ANKRD44: variants seen among roughly 807,000 people sequenced by gnomAD.
ANKRD44 encodes the protein serine/threonine-protein phosphatase 6 regulatory ankyrin repeat subunit B.
Under a neutral mutation model 116.0 loss-of-function variants are expected in ANKRD44, and 35 were observed. The ratio of observed to expected loss-of-function variants is 0.30; its 90% confidence interval spans 0.23 to 0.40. The LOEUF is 0.40. Among genes scored for constraint, ANKRD44 ranks in the 10% least tolerant of loss-of-function variants. The pLI, the probability that ANKRD44 is intolerant of heterozygous loss-of-function variation, is 1.00. For synonymous variants in ANKRD44, 435 were observed against 461.8 expected, an observed-to-expected ratio of 0.94 and a Z score of 0.74; for missense variants, 1,014 against 1,242.6, an observed-to-expected ratio of 0.82 and a Z score of 2.77.
chr2:197,299,221 A>C (rs2083819879), intron 1 of ANKRD44, among the ~76,000 whole-genome samples: 1 of 151,680 alleles, frequency 6.6e-6, no homozygotes, highest in South Asian at 2.1e-4. Context: ...TAAATAAATG[A>C]GGTCTGTTTT....
intron 21 of ANKRD44, among the ~76,000 whole-genome samples, chr2:196,974,135 T>C (rs535892615): frequency 1.3e-5 from 2 of 151,848 alleles, no homozygotes; most frequent in East Asian, 3.9e-4. Flanking sequence ...CAGGCTAGAG[T>C]GCAGTGGCAT....
chr2:197,050,930 G>A (rs2077094721), intron 16 of ANKRD44, among the ~76,000 whole-genome samples: 1 of 151,056 alleles, frequency 6.6e-6, no homozygotes, highest in African/African-American at 2.4e-5. Flanking sequence ...AGTACCCTGG[G>A]ATATCTCTAC....
chr2:196,967,900 T>A (rs923665933), intron 21 of ANKRD44, among the ~76,000 whole-genome samples: 3 of 148,152 alleles, frequency 2.0e-5, no homozygotes, highest in Non-Finnish European at 3.0e-5. Flanking sequence ...GGTGGATCCC[T>A]CATGGCTTGG....
chr2:197,260,768 C>T (rs373683146), intron 1 of ANKRD44, among the ~76,000 whole-genome samples: 3 of 150,866 alleles, frequency 2.0e-5, no homozygotes, highest in South Asian at 4.2e-4. Context: ...TTTTAATGAT[C>T]GCCATTTTAA....
chr2:197,181,990 C>T (rs2080518186), intron 2 of ANKRD44, among the ~76,000 whole-genome samples: 1 of 152,210 alleles, frequency 6.6e-6, no homozygotes, highest in African/African-American at 2.4e-5. Context: ...TCACCACTGA[C>T]AGGCGTCACT....
intron 16 of ANKRD44, among the ~76,000 whole-genome samples, chr2:197,076,555 G>A (rs2077670694): frequency 6.6e-6 from 1 of 152,108 alleles, no homozygotes; most frequent in Non-Finnish European, 1.5e-5. Flanking sequence ...TGCTATATAG[G>A]TAAATTTGTG....
At chr2:197,309,618 T>C (rs1373188695) in intron 1 of ANKRD44, among the ~76,000 whole-genome samples, 1 of 152,138 alleles carries the variant, frequency 6.6e-6, no homozygotes, top group African/African-American at 2.4e-5. Flanking sequence ...CAAGATTGCC[T>C]CTCTGCCTAC....
chr2:196,986,436 C>CAAAA (rs1553611535), downstream of ANKRD44, among the ~76,000 whole-genome samples: 1 of 152,032 alleles, frequency 6.6e-6, no homozygotes, highest in African/African-American at 2.4e-5. Flanking sequence ...CAAAACAAAA[C>CAAAA]CCTTTATGGA....
intron 1 of ANKRD44, among the ~76,000 whole-genome samples, chr2:197,304,149 T>C (rs757153502): frequency 4.6e-5 from 7 of 151,822 alleles, no homozygotes; most frequent in Non-Finnish European, 1.0e-4. Context: ...CTACTAAAAA[T>C]ACAAAAATTA....
chr2:196,991,389 T>C (rs1311185574), intron 27 of ANKRD44, among the ~76,000 whole-genome samples: 1 of 152,176 alleles, frequency 6.6e-6, no homozygotes, highest in Non-Finnish European at 1.5e-5. Context: ...GGTAATTGTG[T>C]GTCCAATTAG....
At chr2:197,136,373 A>T in intron 4 of ANKRD44, 1 of 570,592 alleles carries the variant, frequency 1.8e-6, no homozygotes, top group South Asian at 2.2e-5. Flanking sequence ...ATTCAGGATC[A>T]TGCTGTCCAT....
At chr2:197,214,270 GA>G (rs1290120231) in intron 1 of ANKRD44, among the ~76,000 whole-genome samples, 1 of 152,062 alleles carries the variant, frequency 6.6e-6, no homozygotes, top group East Asian at 1.9e-4. Flanking sequence ...AAAATGATGG[GA>G]TATTATGCAG....
At chr2:197,213,226 C>A (rs9283513) in intron 1 of ANKRD44, among the ~76,000 whole-genome samples, 79,763 of 152,074 alleles carry the variant, frequency 0.52, 22,543 homozygotes, top group East Asian at 0.76. Flanking sequence ...ACAAGGTTAG[C>A]CTGAAGGAAG....
intron 16 of ANKRD44, among the ~76,000 whole-genome samples, chr2:197,054,140 G>A (rs1311327968): frequency 6.6e-6 from 1 of 152,180 alleles, no homozygotes; most frequent in Non-Finnish European, 1.5e-5. Flanking sequence ...TTACATTTAT[G>A]CTCAATGTCT....
Position 196,988,182 on chromosome 2 carries a change from C to T in ANKRD44, c.*1409G>A. On this transcript the variant is annotated 3_prime_UTR_variant, in exon 28 of 28. Transcript: ENST00000282272. ...CTACACGACAGGAAAAATGTTAACG[C>T]TGCTTTGCCATTAAAGCAAGCATTT... 7 of 984,756 alleles carry T rather than the reference C, an allele frequency of 7.1e-6. No homozygotes were observed. The highest frequency in any genetic ancestry group is 7.2e-6 in the Non-Finnish European group (6 of 829,322). The allele number at this position is 984,756 out of a possible 1,614,324, so 61.0% of individuals were successfully genotyped here.
At chr2:197,005,625 C>T in intron 21 of ANKRD44, 69 bp downstream of exon 21, 1 of 1,381,112 alleles carries the variant, frequency 7.2e-7, no homozygotes. Flanking sequence ...AGGCTCTCAC[C>T]TCCACTGAGC....
At chr2:196,974,633 TA>T (rs2075743643) in intron 21 of ANKRD44, among the ~76,000 whole-genome samples, 1 of 151,808 alleles carries the variant, frequency 6.6e-6, no homozygotes, top group Non-Finnish European at 1.5e-5. Flanking sequence ...CTCATGCCTG[TA>T]ATCCCAGCAC....
chr2:197,263,369 C>G, intron 1 of ANKRD44: 1 of 629,208 alleles, frequency 1.6e-6, no homozygotes, highest in South Asian at 1.7e-5. Flanking sequence ...GTGGCGGGCT[C>G]TGGGGCTGGG....
intron 1 of ANKRD44, among the ~76,000 whole-genome samples, chr2:197,291,721 T>A (rs2083574304): frequency 6.6e-6 from 1 of 152,214 alleles, no homozygotes; most frequent in Non-Finnish European, 1.5e-5. Flanking sequence ...ATGTGCACAA[T>A]GTGCAGGTTT....
Sources: allele counts gnomAD v4.1 joint callset (sites outside exome capture counted in the v4.1 genomes callset), GRCh38; gene constraint gnomAD v4.1.1; transcripts MANE v1.5; gene names NCBI Gene and HGNC (gene_info 2026-07-23, HGNC 2026-07-21).